Variants in LDLRAD4 observed in about 807,000 individuals in gnomAD.
LDLRAD4 encodes the protein low-density lipoprotein receptor class A domain-containing protein 4.
Under a neutral mutation model 17.0 loss-of-function variants are expected in LDLRAD4, and 5 were observed. The observed-to-expected ratio is 0.29, with a 90% CI of 0.15 to 0.62. LDLRAD4 has a LOEUF of 0.62. Ranked by LOEUF, LDLRAD4 falls within the 20% of genes least tolerant of loss-of-function variation. LDLRAD4 has a pLI of 0.84. For synonymous variants in LDLRAD4, 168 were observed against 171.8 expected, an observed-to-expected ratio of 0.98 and a Z score of 0.17; for missense variants, 340 against 424.7, an observed-to-expected ratio of 0.80 and a Z score of 1.75.
chr18:13,294,671 C>CA (rs912524353), intron 1 of LDLRAD4, among the ~76,000 whole-genome samples: 7 of 152,096 alleles, frequency 4.6e-5, no homozygotes, highest in African/African-American at 1.7e-4. Context: ...CTCGGGGACA[C>CA]AGGCGGATGA....
chr18:13,266,195 T>C (rs977052687), intron 1 of LDLRAD4, among the ~76,000 whole-genome samples: 7 of 152,164 alleles, frequency 4.6e-5, no homozygotes, highest in African/African-American at 1.7e-4. Context: ...CAAAGGCTTT[T>C]TCGGGGCTTG....
rs548054098 is a variant in LDLRAD4, at chr18:13,483,242, A to G, written c.181+44858A>G. Among the ~76,000 whole-genome samples the G allele has an allele frequency of 1.3e-4, 20 of 151,988 alleles. No homozygotes were observed. In the South Asian group the frequency reaches 4.2e-3, roughly 32 times the overall value. ...TGAGCCCCAGTCCTTTTGGCTCAGC[A>G]TCTAGCCAGACCTGCCACAACACGG... is the stretch of plus-strand genomic sequence containing the variant. On this transcript the variant is annotated intron_variant, in intron 3 of 5. Coordinates refer to ENST00000359446, the Ensembl canonical transcript of LDLRAD4.
chr18:13,425,527 A>C (rs1347664117), intron 2 of LDLRAD4, among the ~76,000 whole-genome samples: 1 of 152,128 alleles, frequency 6.6e-6, no homozygotes, highest in African/African-American at 2.4e-5. Flanking sequence ...TCCCTCCAGG[A>C]AGGTGGAGGA....
In LDLRAD4 at chr18:13,268,273, C is replaced by G. The variant is rs192814787; in HGVS notation, c.-466-9832C>G. ...CAGTTCCTCCTTTACCCTCCTCCCCCCTCGGCTTGACTCTTCTCCCTGCTT... is the reference window on the plus strand; with the variant it reads ...CAGTTCCTCCTTTACCCTCCTCCCCGCTCGGCTTGACTCTTCTCCCTGCTT... On this transcript the variant is annotated intron_variant, in intron 1 of 5. Transcript: ENST00000399848. 5.3e-5 allele frequency among the ~76,000 whole-genome samples: 8 copies of G among 152,336 alleles called. No individual in the cohort carries two copies. In the East Asian group the frequency reaches 5.8e-4, roughly 11 times the overall value.
intron 1 of LDLRAD4, among the ~76,000 whole-genome samples, chr18:13,264,967 T>G (rs1598989357): frequency 6.6e-6 from 1 of 152,274 alleles, no homozygotes; most frequent in South Asian, 2.1e-4. Flanking sequence ...ATATAAGAGC[T>G]CTCTCTTTTC....
At chr18:13,299,597 A>G (rs1228596978) in intron 1 of LDLRAD4, among the ~76,000 whole-genome samples, 1 of 152,182 alleles carries the variant, frequency 6.6e-6, no homozygotes, top group African/African-American at 2.4e-5. Flanking sequence ...TAATTCTAGC[A>G]TTTTGGGAGG....
In LDLRAD4 at chr18:13,264,375, C is replaced by T. The variant is rs115420400; in HGVS notation, c.-466-13730C>T. On this transcript the variant is annotated intron_variant, in intron 1 of 5. Coordinates refer to the LDLRAD4 transcript ENST00000399848. Reference sequence around the variant, plus strand: ...CTCTTTCCAAAGGGTGTCTGCAGACCGTTAGACAGTTGCTTGGCCAATGTT... The same window carrying T: ...CTCTTTCCAAAGGGTGTCTGCAGACTGTTAGACAGTTGCTTGGCCAATGTT... Among the ~76,000 whole-genome samples, 835 of 152,312 alleles carry T rather than the reference C, an allele frequency of 5.5e-3. 12 individuals are homozygous for T. The highest frequency in any genetic ancestry group is 0.032 in the South Asian group (153 of 4,822).
chr18:13,438,337 A>G, exon 3 of LDLRAD4: 1 of 1,614,018 alleles, frequency 6.2e-7, no homozygotes, highest in Non-Finnish European at 8.5e-7. Context: ...AGTGACGAAG[A>G]GAACTGTCTC....
chr18:13,500,522 C>T (rs1191759689), intron 3 of LDLRAD4: 1 of 152,242 alleles, frequency 6.6e-6, no homozygotes, highest in East Asian at 1.9e-4. Context: ...ATTCCCAGCT[C>T]CTCAGAGAGG....
chr18:13,474,362 T>G (rs549377265), intron 3 of LDLRAD4, among the ~76,000 whole-genome samples: 1 of 146,138 alleles, frequency 6.8e-6, no homozygotes, highest in South Asian at 2.3e-4. Context: ...TAGGTCAGCC[T>G]GCAAAAACCC....
chr18:13,356,666 A>G (rs1187849578), intron 1 of LDLRAD4, among the ~76,000 whole-genome samples: 2 of 152,154 alleles, frequency 1.3e-5, no homozygotes, highest in African/African-American at 4.8e-5. Context: ...GGAGGTAGAA[A>G]TTTGCCGCCC....
chr18:13,346,013 A>T (rs1226364378), intron 1 of LDLRAD4, among the ~76,000 whole-genome samples: 2 of 152,018 alleles, frequency 1.3e-5, no homozygotes, highest in African/African-American at 4.8e-5. Flanking sequence ...AATGTTGTTG[A>T]TCTTTTCAAA....
At chr18:13,239,245 C>A (rs2042503365) in intron 1 of LDLRAD4, among the ~76,000 whole-genome samples, 1 of 151,420 alleles carries the variant, frequency 6.6e-6, no homozygotes. Context: ...CATTTGTGAC[C>A]CATGAAGCCT....
At chr18:13,644,400 CAAAAAAA>C (rs5823265) in intron 5 of LDLRAD4, among the ~76,000 whole-genome samples, 2 of 58,636 alleles carry the variant, frequency 3.4e-5, no homozygotes, top group Non-Finnish European at 8.0e-5. Flanking sequence ...AACCCCATCT[CAAAAAAA>C]AAAAAAAAAA....
intron 3 of LDLRAD4, chr18:13,500,770 T>C (rs894747448): frequency 3.3e-5 from 5 of 152,200 alleles, no homozygotes; most frequent in Admixed American, 2.6e-4. Flanking sequence ...ATGTGGATTG[T>C]TGACAGTAAC....
At chr18:13,309,495 G>T (rs989416289) in intron 1 of LDLRAD4, among the ~76,000 whole-genome samples, 5 of 152,172 alleles carry the variant, frequency 3.3e-5, no homozygotes, top group African/African-American at 1.2e-4. Context: ...AGTTTACTGA[G>T]GACTTAGGGG....
intron 3 of LDLRAD4, among the ~76,000 whole-genome samples, chr18:13,550,297 T>C (rs1251868550): frequency 2.0e-5 from 3 of 152,178 alleles, no homozygotes; most frequent in Non-Finnish European, 2.9e-5. Context: ...TCACATGTAA[T>C]AGGCAAATGG....
rs2081666304 is a variant in LDLRAD4, at chr18:13,328,638, A to G, written c.-383+50450A>G. Reference sequence around the variant, plus strand: ...GTTTATTGAGCGTCAACTTTGTATAAGGCTCTGGGCTATCTTATATGATTG... The same window carrying G: ...GTTTATTGAGCGTCAACTTTGTATAGGGCTCTGGGCTATCTTATATGATTG... On this transcript the variant is annotated intron_variant, in intron 1 of 5. Coordinates refer to ENST00000359446, the Ensembl canonical transcript of LDLRAD4. Among the ~76,000 whole-genome samples, 2 of 152,218 alleles carry G rather than the reference A, an allele frequency of 1.3e-5. 1 individual carries two copies. The highest frequency in any genetic ancestry group is 4.1e-4 in the South Asian group (2 of 4,826).
At chr18:13,547,241 TA>T (rs2094378483) in intron 3 of LDLRAD4, among the ~76,000 whole-genome samples, 2 of 152,362 alleles carry the variant, frequency 1.3e-5, no homozygotes, top group African/African-American at 4.8e-5. Context: ...CCAGTGATTT[TA>T]AAGTTACAGT....
Sources: allele counts gnomAD v4.1 joint callset (sites outside exome capture counted in the v4.1 genomes callset), GRCh38; gene constraint gnomAD v4.1.1; transcripts MANE v1.5; gene names NCBI Gene and HGNC (gene_info 2026-07-23, HGNC 2026-07-21).